SSH3: variants seen among roughly 807,000 people sequenced by gnomAD.
The protein encoded by SSH3 is protein phosphatase Slingshot homolog 3.
In SSH3, 67 loss-of-function variants were observed where a neutral mutation model predicts 75.0. The observed-to-expected ratio is 0.89, with a 90% CI of 0.73 to 1.10. The LOEUF is 1.10. Ranked by LOEUF, SSH3 falls within the 50% of genes least tolerant of loss-of-function variation. SSH3 has a pLI of 0.00. For missense variants in SSH3, 824 were observed against 872.7 expected, an observed-to-expected ratio of 0.94 and a Z score of 0.70; for synonymous variants, 318 against 349.2, an observed-to-expected ratio of 0.91 and a Z score of 1.00.
chr11:67,309,348 G>T (rs1861344188), intron 10 of SSH3, 49 bp from the exon 11 acceptor site: 2 of 1,609,316 alleles, frequency 1.2e-6, no homozygotes, highest in South Asian at 2.2e-5. Flanking sequence ...TTGCCAGTGG[G>T]CCTGGTACCT....
At chr11:67,311,491 T>C in intron 13 of SSH3, 100 bp from the exon 14 acceptor site, 1 of 1,471,552 alleles carries the variant, frequency 6.8e-7, no homozygotes, top group South Asian at 1.2e-5. Context: ...CTCCTGGCTC[T>C]GTGCTTGGCA....
Position 67,304,870 on chromosome 11 carries a change from G to T in SSH3, c.202G>T (p.Ala68Ser), listed in dbSNP as rs1424430618. 3.1e-6 allele frequency: 5 copies of T among 1,613,864 alleles called. No homozygotes were observed. Among genetic ancestry groups the T allele is most frequent in the East Asian group, 2.2e-5 (1 of 44,862 alleles). Reference protein sequence around the residue: ...AEASSEPTEKAPSEEELHGDQ... With the variant: ...AEASSEPTEKSPSEEELHGDQ... ...GGCCAGTTCTGAGCCAACAGAGAAG[G>T]CCCCGAGTGAGGAGGAGCTCCACGG... The change falls in exon 3 of 14, where the codon GCC becomes TCC. Residue 68 changes from alanine (A) to serine (S), a missense_variant. Physicochemically the swap from Ala to Ser is moderately conservative, Grantham distance 99. Coordinates refer to ENST00000308127, the MANE Select transcript of SSH3 (RefSeq NM_017857.4).
Position 67,311,850 on chromosome 11 carries a change from C to T in SSH3, c.1943C>T (p.Ala648Val). 1 of 1,612,626 alleles carries T rather than the reference C, an allele frequency of 6.2e-7. No homozygotes were observed. Among genetic ancestry groups the T allele is most frequent in the Non-Finnish European group, 8.5e-7 (1 of 1,179,974 alleles). Residue 648 changes from alanine (A) to valine (V), a missense_variant, in exon 14 of 14, where the codon GCC becomes GTC. Transcript: ENST00000308127. ...TPRFRKVVRQASVHDSGEEGE... is the reference protein window; with the variant it reads ...TPRFRKVVRQVSVHDSGEEGE... ...AGGTTCCGGAAGGTGGTGAGACAGG[C>T]CAGCGTGCATGACAGTGGAGAGGAG...
At chr11:67,304,735 G>C in intron 2 of SSH3, 38 bp from the exon 3 acceptor site, 1 of 1,558,258 alleles carries the variant, frequency 6.4e-7, no homozygotes, top group Non-Finnish European at 8.7e-7. Flanking sequence ...ACCCTAAGGG[G>C]AATGAGGAGC....
chr11:67,304,611 A>G (rs529751130), intron 2 of SSH3, among the ~76,000 whole-genome samples, 162 bp from the exon 3 acceptor site: 62 of 152,208 alleles, frequency 4.1e-4, no homozygotes, highest in Non-Finnish European at 7.9e-4. Context: ...GAGGGGTTAG[A>G]AATGCAGATG....
chr11:67,310,312 C>T lies in SSH3; in HGVS notation c.1656C>T (p.Ser552=), dbSNP rs746561996. 2 of 1,613,050 alleles carry T rather than the reference C, an allele frequency of 1.2e-6. No individual in the cohort carries two copies. Among genetic ancestry groups the T allele is most frequent in the South Asian group, 1.1e-5 (1 of 90,974 alleles). The change falls in exon 13 of 14, where the codon AGC becomes AGT. Residue 552 remains serine (S), a synonymous_variant. Transcript: ENST00000308127. ...SLLEPSLELE[S]TSETSDMPEV... Reference sequence around the variant, plus strand: ...TGGAGCCCTCCTTGGAGCTGGAGAGCACCTCAGAGACCAGTGACATGCCAG... The same window carrying T: ...TGGAGCCCTCCTTGGAGCTGGAGAGTACCTCAGAGACCAGTGACATGCCAG...
chr11:67,303,652 GC>G lies in SSH3; in HGVS notation c.32del (p.Pro11ArgfsTer95). ...TGGCCCTGGTCACAGTGAGCCGTTC[GC>G]CCCCGGGCAGCGGCGCCTCCACGCC... The part of the protein sequence containing the change: MALVTVSRS[P>X]PGSGASTPVG... On this transcript the variant is annotated frameshift_variant, in exon 1 of 14. Transcript: ENST00000308127. LOFTEE classifies it high-confidence loss of function. The G allele has an allele frequency of 2.6e-6, 4 of 1,512,916 alleles. No homozygotes were observed. Among genetic ancestry groups the G allele is most frequent in the Admixed American group, 2.0e-5 (1 of 49,410 alleles). The allele number at this position is 1,512,916 out of a possible 1,614,324, so 93.7% of individuals were successfully genotyped here. A position where few individuals can be genotyped will look rare whatever the true frequency, so the allele number is the denominator to read the frequency against.
rs1010150174 is a variant in SSH3 at position 67,307,089 on chromosome 11, C to A, written c.512C>A (p.Thr171Asn). 5 of 1,613,944 alleles carry A rather than the reference C, an allele frequency of 3.1e-6. No individual in the cohort carries two copies. Among genetic ancestry groups the A allele is most frequent in the South Asian group, 1.1e-5 (1 of 91,082 alleles). The change falls in exon 5 of 14, where the codon ACC (threonine) becomes AAC (asparagine). Residue 171 changes from threonine to asparagine, a missense_variant. Coordinates refer to ENST00000308127, the MANE Select transcript of SSH3 (RefSeq NM_017857.4). This position sits in a 1 kb window ranked among gnomAD's most constrained non-coding sequence, Gnocchi z 4.2. ...LGLVLPLWSD[T>N]QVYLDGDGGF... ...CTGGTCTTGCCCCTCTGGAGTGACA[C>A]CCAGGTGTACTTAGATGGAGACGGG...
At chr11:67,311,414 G>A (rs190008443) in intron 13 of SSH3, among the ~76,000 whole-genome samples, 177 bp from the exon 14 acceptor site, 104 of 152,302 alleles carry the variant, frequency 6.8e-4, no homozygotes, top group Middle Eastern at 3.4e-3. Context: ...CCTCCCTCCC[G>A]AGGAAGCGTG....
Position 67,303,659 on chromosome 11 carries a change from G to A in SSH3, c.34G>A (p.Gly12Ser). 1 of 1,512,738 alleles carries A rather than the reference G, an allele frequency of 6.6e-7. No homozygotes were observed. The highest frequency in any genetic ancestry group is 8.8e-7 in the Non-Finnish European group (1 of 1,137,108). 93.7% of individuals were successfully genotyped at this position (1,512,738 alleles called of 1,614,324 possible). Residue 12 changes from glycine (G) to serine (S), a missense_variant, in exon 1 of 14, where the codon GGC becomes AGC. Transcript: ENST00000308127. ...GGTCACAGTGAGCCGTTCGCCCCCG[G>A]GCAGCGGCGCCTCCACGCCCGTGGG... ...ALVTVSRSPP[G>S]SGASTPVGPW...
chr11:67,309,826 A>G lies in SSH3; in HGVS notation c.1267A>G (p.Thr423Ala). The G allele has an allele frequency of 6.2e-7, 1 of 1,613,458 alleles. No individual in the cohort carries two copies. The highest frequency in any genetic ancestry group is 8.5e-7 in the Non-Finnish European group (1 of 1,180,040). Residue 423 changes from threonine to alanine, a missense_variant, in exon 12 of 14, where the codon ACA becomes GCA. By Grantham distance (58) the Thr-to-Ala change is moderately conservative. Transcript: ENST00000308127. The stretch of plus-strand genomic sequence containing the variant: ...GATGGGCGTCAGCCGCTCAGCGGCC[A>G]CAGTGCTGGCCTATGCCATGAAGCA... ...CKMGVSRSAA[T>A]VLAYAMKQYE...
At chr11:67,306,293 A>G (rs1323875336) in intron 3 of SSH3, among the ~76,000 whole-genome samples, 1 of 149,404 alleles carries the variant, frequency 6.7e-6, no homozygotes, top group Non-Finnish European at 1.5e-5. Context: ...CATTGCAAAA[A>G]AAAAAAAAGA....
chr11:67,311,834 A>C lies in SSH3; in HGVS notation c.1927A>C (p.Lys643Gln). 1 of 1,612,970 alleles carries C rather than the reference A, an allele frequency of 6.2e-7. No homozygotes were observed. The highest frequency in any genetic ancestry group is 8.5e-7 in the Non-Finnish European group (1 of 1,180,008). The part of the protein sequence containing the change: ...PCISSTPRFR[K>Q]VVRQASVHDS... The stretch of plus-strand genomic sequence containing the variant: ...CATTTCCTCTACGCCCAGGTTCCGG[A>C]AGGTGGTGAGACAGGCCAGCGTGCA... Residue 643 changes from lysine (K) to glutamine (Q), a missense_variant, in exon 14 of 14, where the codon AAG becomes CAG. Physicochemically the swap from Lys to Gln is moderately conservative, Grantham distance 53. Coordinates refer to ENST00000308127, the MANE Select transcript of SSH3 (RefSeq NM_017857.4).
chr11:67,306,976 G>C lies in SSH3; in HGVS notation c.464+14G>C. The C allele has an allele frequency of 6.2e-7, 1 of 1,612,280 alleles. No individual in the cohort carries two copies. Among genetic ancestry groups the C allele is most frequent in the Non-Finnish European group, 8.5e-7 (1 of 1,178,496 alleles). Reference sequence around the variant, plus strand: ...CCCTGACAGCAGGTTCGAGCAGGGAGAGGAAAGGAGGGGCAAAGAGGTGAG... The same window carrying C: ...CCCTGACAGCAGGTTCGAGCAGGGACAGGAAAGGAGGGGCAAAGAGGTGAG... On this transcript the variant is annotated intron_variant, in intron 4 of 13. Coordinates refer to ENST00000308127, the MANE Select transcript of SSH3 (RefSeq NM_017857.4).
chr11:67,309,419 G>T lies in SSH3; in HGVS notation c.1084G>T (p.Ala362Ser). The change falls in exon 11 of 14, where the codon GCC (alanine) becomes TCC (serine). Residue 362 changes from alanine (A) to serine (S), a missense_variant. Ala to Ser is a moderately conservative substitution (Grantham distance 99). Coordinates refer to ENST00000308127, the MANE Select transcript of SSH3 (RefSeq NM_017857.4). ...RNRVTHILNM[A>S]REIDNFYPER... ...CAGGGTCACCCACATCTTGAACATGGCCCGGGAGATTGACAACTTCTACCC... is the reference window on the plus strand; with the variant it reads ...CAGGGTCACCCACATCTTGAACATGTCCCGGGAGATTGACAACTTCTACCC... 1 of 1,614,186 alleles carries T rather than the reference G, an allele frequency of 6.2e-7. No individual in the cohort carries two copies. The highest frequency in any genetic ancestry group is 8.5e-7 in the Non-Finnish European group (1 of 1,180,036).
Position 67,303,652 on chromosome 11 carries a change from G to GC in SSH3, c.32dup (p.Ser13GlnfsTer43). The GC allele has an allele frequency of 6.6e-7, 1 of 1,512,924 alleles. No homozygotes were observed. Among genetic ancestry groups the GC allele is most frequent in the South Asian group, 1.2e-5 (1 of 81,960 alleles). 93.7% of individuals were successfully genotyped at this position (1,512,924 alleles called of 1,614,324 possible). A position where few individuals can be genotyped will look rare whatever the true frequency, so the allele number is the denominator to read the frequency against. On this transcript the variant is annotated frameshift_variant, in exon 1 of 14. Transcript: ENST00000308127. LOFTEE classifies it high-confidence loss of function. ...TGGCCCTGGTCACAGTGAGCCGTTCGCCCCCGGGCAGCGGCGCCTCCACGC... is the reference window on the plus strand; with the variant it reads ...TGGCCCTGGTCACAGTGAGCCGTTCGCCCCCCGGGCAGCGGCGCCTCCACGC...
intron 2 of SSH3, 65 bp downstream of exon 2, chr11:67,304,220 G>T (rs1861160738): frequency 6.9e-6 from 9 of 1,299,054 alleles, no homozygotes. Flanking sequence ...GCCGTCCTGG[G>T]CTCCAGCTGC....
At chr11:67,310,370 C>A in intron 13 of SSH3, 31 bp downstream of exon 13, 1 of 1,575,542 alleles carries the variant, frequency 6.3e-7, no homozygotes, top group Non-Finnish European at 8.6e-7. Flanking sequence ...GCTCAGCTTG[C>A]AGGGGTGGGG....
Position 67,308,203 on chromosome 11 carries a change from G to A in SSH3, c.915G>A (p.Gly305=). Residue 305 remains glycine, a synonymous_variant, in exon 9 of 14, where the codon GGG becomes GGA. Transcript: ENST00000308127. The surrounding 1 kb of genome is among the most constrained non-coding windows in gnomAD (Gnocchi z 4.9). ...GCCAGGCTCTGGAGCTGCGCCTGGG[G>A]CTCCCCCTCCAGCAGTACCGTGACT... ...EIRQALELRL[G]LPLQQYRDFI... is the part of the protein sequence containing the mutation. 2 of 1,613,924 alleles carry A rather than the reference G, an allele frequency of 1.2e-6. No homozygotes were observed. Among genetic ancestry groups the A allele is most frequent in the Non-Finnish European group, 1.7e-6 (2 of 1,180,016 alleles).
Sources: gnomAD v4.1 joint callset for allele counts (sites outside exome capture counted in the v4.1 genomes callset) on GRCh38, gnomAD v4.1.1 for gene constraint, Gnocchi (gnomAD v3.1) non-coding constraint, MANE v1.5 for transcripts, NCBI Gene and HGNC (gene_info 2026-07-23, HGNC 2026-07-21) for gene names.